The following ROR2 variants were observed in gnomAD, a reference collection of about 807,000 sequenced individuals.
The protein encoded by ROR2 is tyrosine-protein kinase transmembrane receptor ROR2.
A neutral mutation model predicts 74.9 loss-of-function variants in ROR2; 33 were observed. The observed-to-expected ratio is 0.44, with a 90% CI of 0.33 to 0.59. The LOEUF (loss-of-function observed/expected upper bound fraction) is 0.59, where lower values mean the gene tolerates loss of function less well. Ranked by LOEUF, ROR2 falls within the 20% of genes least tolerant of loss-of-function variation. The pLI is 0.02. For missense variants in ROR2, 1,216 were observed against 1,313.8 expected (o/e 0.93, Z 1.15); for synonymous variants, 586 against 558.7 (o/e 1.05, Z -0.69).
intron 1 of ROR2, among the ~76,000 whole-genome samples, chr9:91,930,909 T>G (rs1052191691): frequency 1.3e-5 from 2 of 152,184 alleles, no homozygotes; most frequent in African/African-American, 4.8e-5. Context: ...GAGCATGAAC[T>G]GGTGAAGTTG....
chr9:91,732,125 T>C (rs1007495718), intron 6 of ROR2, among the ~76,000 whole-genome samples: 1 of 152,100 alleles, frequency 6.6e-6, no homozygotes, highest in South Asian at 2.1e-4. Context: ...GTCCTGGCCA[T>C]TCCTGGACCC....
intron 6 of ROR2, among the ~76,000 whole-genome samples, chr9:91,732,290 G>T (rs1837270321): frequency 6.6e-6 from 1 of 152,206 alleles, no homozygotes; most frequent in African/African-American, 2.4e-5. Flanking sequence ...TCCCTGTCCT[G>T]TGTCTGCCAT....
chr9:91,921,061 A>C lies in ROR2; in HGVS notation c.97+28806T>G, dbSNP rs936028078. 3.3e-5 allele frequency among the ~76,000 whole-genome samples: 5 copies of C among 152,372 alleles called. No individual in the cohort carries two copies. The East Asian group carries it at 9.6e-4, about 29-fold the overall frequency. The stretch of plus-strand genomic sequence containing the variant: ...CGAGGGGGTGAACACAGCACTGTGG[A>C]GTGGACACTCATGTCCCATCCTCAA... On this transcript the variant is annotated intron_variant, in intron 1 of 8. Transcript: ENST00000375708.
chr9:91,780,295 T>C (rs530680882), intron 1 of ROR2, among the ~76,000 whole-genome samples: 248 of 150,934 alleles, frequency 1.6e-3, no homozygotes, highest in African/African-American at 5.7e-3. Flanking sequence ...GAGAATGGCG[T>C]GAAGCTGGGA....
Position 91,722,977 on chromosome 9 carries a change from A to C in ROR2, c.*685T>G, listed in dbSNP as rs1836851094. 2.1e-5 allele frequency: 4 copies of C among 193,254 alleles called. No individual in the cohort carries two copies. In the South Asian group the frequency reaches 4.1e-4, roughly 20 times the overall value. The allele number at this position is 193,254 out of a possible 1,614,324, so 12.0% of individuals were successfully genotyped here. A position where few individuals can be genotyped will look rare whatever the true frequency, so the allele number is the denominator to read the frequency against. ...AACACTTTCCCTTGAATTCCCAAAA[A>C]AAGTGGGCAAAATACACATGGAGTA... is the stretch of plus-strand genomic sequence containing the variant. On this transcript the variant is annotated 3_prime_UTR_variant, in exon 9 of 9. Transcript: ENST00000375708.
intron 1 of ROR2, among the ~76,000 whole-genome samples, chr9:91,826,497 T>C (rs1051254556): frequency 9.2e-5 from 14 of 152,174 alleles, no homozygotes; most frequent in African/African-American, 3.4e-4. Context: ...GTTAAATAAA[T>C]GTGGCTGGGC....
intron 2 of ROR2, among the ~76,000 whole-genome samples, chr9:91,761,099 T>C (rs542386017): frequency 2.6e-5 from 4 of 151,994 alleles, no homozygotes; most frequent in African/African-American, 9.6e-5. Context: ...GTTATGGGGG[T>C]CAAAGTCCTC....
chr9:91,937,081 C>G (rs965577665), intron 1 of ROR2, among the ~76,000 whole-genome samples: 1 of 145,882 alleles, frequency 6.9e-6, no homozygotes, highest in Admixed American at 6.9e-5. Flanking sequence ...TTCAGAATAT[C>G]AAGAAAATTA....
At chr9:91,788,802 T>A (rs914487302) in intron 1 of ROR2, among the ~76,000 whole-genome samples, 1 of 149,390 alleles carries the variant, frequency 6.7e-6, no homozygotes, top group African/African-American at 2.5e-5. Context: ...AGGCGGAGGT[T>A]GCAGTGAGCT....
chr9:91,798,879 T>C (rs1827280682), intron 1 of ROR2, among the ~76,000 whole-genome samples: 1 of 152,106 alleles, frequency 6.6e-6, no homozygotes, highest in African/African-American at 2.4e-5. Context: ...ACCCTTGGGA[T>C]TGGAGAAGCA....
chr9:91,747,638 A>G (rs777767301), intron 4 of ROR2, among the ~76,000 whole-genome samples: 3 of 152,180 alleles, frequency 2.0e-5, no homozygotes, highest in Non-Finnish European at 4.4e-5. Flanking sequence ...TGATTGATAA[A>G]CTGGTCGAGT....
chr9:91,839,191 G>A (rs145248375), intron 1 of ROR2, among the ~76,000 whole-genome samples: 132 of 152,006 alleles, frequency 8.7e-4, no homozygotes, highest in African/African-American at 3.1e-3. Flanking sequence ...GGTGTATTTC[G>A]TGTTTACCAA....
At chr9:91,945,468 A>G (rs914286244) in intron 1 of ROR2, among the ~76,000 whole-genome samples, 2 of 152,220 alleles carry the variant, frequency 1.3e-5, no homozygotes, top group Non-Finnish European at 2.9e-5. Flanking sequence ...TTCTCCTCTG[A>G]TAACATCTAG....
chr9:91,780,372 G>A (rs547105707), intron 1 of ROR2, among the ~76,000 whole-genome samples: 17 of 115,790 alleles, frequency 1.5e-4, no homozygotes, highest in African/African-American at 7.0e-4. Context: ...GCAAGACTCC[G>A]TCTAAAAAAA....
intron 1 of ROR2, among the ~76,000 whole-genome samples, chr9:91,888,171 G>A (rs1424792971): frequency 6.6e-6 from 1 of 152,088 alleles, no homozygotes; most frequent in African/African-American, 2.4e-5. Flanking sequence ...GCTTTTTCTA[G>A]ACTTTTGTGA....
chr9:91,798,271 C>A lies in ROR2; in HGVS notation c.98-22453G>T, dbSNP rs538351648. On this transcript the variant is annotated intron_variant, in intron 1 of 8. Coordinates refer to ENST00000375708, the MANE Select transcript of ROR2 (RefSeq NM_004560.4). ...CTGCATTCTGTGGGCGGGGCTGACACCCTAGGCTCTGTGGGTGGGGAATGA... is the reference window on the plus strand; with the variant it reads ...CTGCATTCTGTGGGCGGGGCTGACAACCTAGGCTCTGTGGGTGGGGAATGA... Among the ~76,000 whole-genome samples the A allele has an allele frequency of 2.9e-5, 4 of 135,718 alleles. No individual in the cohort carries two copies. In the East Asian group the frequency reaches 9.3e-4, roughly 32 times the overall value. 89.0% of individuals were successfully genotyped at this position (135,718 alleles called of 152,430 possible).
In ROR2 at chr9:91,737,500, A is replaced by T. The variant is rs773459846; in HGVS notation, c.513T>A (p.Asp171Glu). ...TTCCCCGGTAAGGCTGGCAGAACCC[A>T]TCCTCGTGGTAATCATCCCTGGTAA... ...NHNFQDDYHE[D>E]GFCQPYRGIA... The change falls in exon 5 of 9, where the codon GAT (aspartate) becomes GAA (glutamate). Residue 171 changes from aspartate to glutamate, a missense_variant. Transcript: ENST00000375708. 1 of 1,614,190 alleles carries T rather than the reference A, an allele frequency of 6.2e-7. No homozygotes were observed. The highest frequency in any genetic ancestry group is 1.1e-5 in the South Asian group (1 of 91,078).
chr9:91,801,365 ACT>A (rs1320198990), intron 1 of ROR2, among the ~76,000 whole-genome samples: 1 of 151,954 alleles, frequency 6.6e-6, no homozygotes, highest in African/African-American at 2.4e-5. Context: ...ATGGAGTCTC[ACT>A]CTGTCATCAG....
chr9:91,763,299 C>G (rs1314116504), intron 2 of ROR2, among the ~76,000 whole-genome samples: 1 of 152,192 alleles, frequency 6.6e-6, no homozygotes, highest in Non-Finnish European at 1.5e-5. Flanking sequence ...TGTCACAAAC[C>G]TGTACATGTA....
Sources: gnomAD v4.1 joint callset for allele counts (sites outside exome capture counted in the v4.1 genomes callset) on GRCh38, gnomAD v4.1.1 for gene constraint, MANE v1.5 for transcripts, NCBI Gene and HGNC (gene_info 2026-07-23, HGNC 2026-07-21) for gene names.